Variants in DCAF6 observed in about 807,000 individuals in gnomAD.
DCAF6 encodes DDB1- and CUL4-associated factor 6.
Under a neutral mutation model 125.1 loss-of-function variants are expected in DCAF6, and 54 were observed. The observed-to-expected ratio is 0.43, with a 90% CI of 0.35 to 0.54. The LOEUF is 0.54. Ranked by LOEUF, DCAF6 falls within the 20% of genes least tolerant of loss-of-function variation. The probability of loss-of-function intolerance (pLI) is 0.01; values close to 1 mark genes in which losing one functional copy is unlikely to be tolerated. For missense variants in DCAF6, 934 were observed against 1,161.7 expected (o/e 0.80, Z 2.85); for synonymous variants, 371 against 390.4 (o/e 0.95, Z 0.58).
chr1:168,030,504 A>G (rs1686937351), intron 12 of DCAF6, among the ~76,000 whole-genome samples: 1 of 152,256 alleles, frequency 6.6e-6, no homozygotes. Flanking sequence ...TGAATGGAGT[A>G]TGGAGAATTG....
At chr1:168,043,182 T>C (rs776145502) in intron 14 of DCAF6, 42 bp downstream of exon 14, 7 of 1,424,304 alleles carry the variant, frequency 4.9e-6, no homozygotes, top group Non-Finnish European at 6.9e-6. Flanking sequence ...AATTGCAGCA[T>C]TGGATGTTTA....
At chr1:167,920,480 T>G in the DCAF6 span, 1 of 1,506,692 alleles carries the variant, frequency 6.6e-7, no homozygotes, top group Admixed American at 1.9e-5. Context: ...CTAAATAAAC[T>G]GATATAAAAG....
At chr1:167,966,103 A>G (rs1284101487) in intron 2 of DCAF6, among the ~76,000 whole-genome samples, 1 of 152,124 alleles carries the variant, frequency 6.6e-6, no homozygotes, top group Non-Finnish European at 1.5e-5. Flanking sequence ...CATCTCTGCA[A>G]TCTAGGGGGT....
At chr1:167,977,664 G>A (rs768343971) in intron 4 of DCAF6, among the ~76,000 whole-genome samples, 3 of 152,132 alleles carry the variant, frequency 2.0e-5, no homozygotes, top group Non-Finnish European at 4.4e-5. Flanking sequence ...CAGTCAGTAG[G>A]TCTTTGGTTT....
chr1:167,904,385 G>A, the DCAF6 span, among the ~76,000 whole-genome samples: 1 of 151,888 alleles, frequency 6.6e-6, no homozygotes, highest in African/African-American at 2.4e-5. Context: ...CGAACCCGGT[G>A]GCCTCAGCTT....
At chr1:167,989,549 T>G (rs184128887) in intron 5 of DCAF6, among the ~76,000 whole-genome samples, 34 of 152,298 alleles carry the variant, frequency 2.2e-4, no homozygotes, top group Admixed American at 1.7e-3. Context: ...TGTTCTGAGA[T>G]TAGTAATTGA....
chr1:167,880,340 T>C, the DCAF6 span: 2 of 958,010 alleles, frequency 2.1e-6, no homozygotes, highest in Non-Finnish European at 3.4e-6. Context: ...CATTTCTACA[T>C]GGCCCGGAGA....
chr1:168,063,656 G>A lies in DCAF6; in HGVS notation c.2336G>A (p.Arg779Lys), dbSNP rs1408409385. Residue 779 changes from arginine (R) to lysine (K), a missense_variant, in exon 18 of 22, where the codon AGA (arginine) becomes AAA (lysine). By Grantham distance (26) the Arg-to-Lys change is conservative. Transcript: ENST00000367840. Reference protein sequence around the residue: ...SAVARIQEFFRRRKERKEMEE... With the variant: ...SAVARIQEFFKRRKERKEMEE... ...GTTGCCCGTATTCAGGAGTTCTTCA[G>A]ACGGAGAAAAGAAAGGAAAGAAATG... The A allele has an allele frequency of 6.2e-7, 1 of 1,601,490 alleles. No individual in the cohort carries two copies. The highest frequency in any genetic ancestry group is 8.5e-7 in the Non-Finnish European group (1 of 1,174,846).
the DCAF6 span, among the ~76,000 whole-genome samples, chr1:167,881,492 C>A: frequency 6.6e-6 from 1 of 152,196 alleles, no homozygotes; most frequent in Non-Finnish European, 1.5e-5. Flanking sequence ...GGGGGAAACA[C>A]TGCTTCTAGG....
At chr1:168,057,230 T>A (rs1450718047) in intron 17 of DCAF6, among the ~76,000 whole-genome samples, 1 of 152,196 alleles carries the variant, frequency 6.6e-6, no homozygotes, top group Non-Finnish European at 1.5e-5. Flanking sequence ...GTATGCAAAT[T>A]AATTCATATT....
At chr1:167,992,252 TACAC>T (rs761598229) in intron 6 of DCAF6, among the ~76,000 whole-genome samples, 92 of 143,144 alleles carry the variant, frequency 6.4e-4, no homozygotes, top group Non-Finnish European at 1.0e-3. Flanking sequence ...AGGCCAGGAT[TACAC>T]ACACACACAC....
chr1:168,038,364 T>C lies in DCAF6; in HGVS notation c.1610-7T>C. On this transcript the variant is annotated splice_region_variant and splice_polypyrimidine_tract_variant and intron_variant, in intron 12 of 21. Coordinates refer to ENST00000367840, the MANE Select transcript of DCAF6 (RefSeq NM_001198956.2). The stretch of plus-strand genomic sequence containing the variant: ...ACTTTTTCAAATGTTTTAAACACAA[T>C]TTTCAGATAACAATAATGAAAAGCT... The C allele has an allele frequency of 6.3e-7, 1 of 1,596,790 alleles. No individual in the cohort carries two copies.
intron 1 of DCAF6, chr1:167,937,312 A>T: frequency 2.8e-6 from 1 of 362,496 alleles, no homozygotes; most frequent in Non-Finnish European, 5.3e-6. Flanking sequence ...GACTTGCGGA[A>T]CCTCCAGGAG....
chr1:168,028,740 A>G (rs1234154388), intron 12 of DCAF6, among the ~76,000 whole-genome samples: 1 of 152,150 alleles, frequency 6.6e-6, no homozygotes, highest in Non-Finnish European at 1.5e-5. Context: ...TTAAATATGT[A>G]TTACCTTAAG....
intron 17 of DCAF6, among the ~76,000 whole-genome samples, 164 bp downstream of exon 17, chr1:168,051,097 T>C (rs189233905): frequency 2.0e-5 from 3 of 152,336 alleles, no homozygotes; most frequent in Non-Finnish European, 4.4e-5. Context: ...ACAAACTATA[T>C]TTAGCTGCAT....
intron 7 of DCAF6, among the ~76,000 whole-genome samples, chr1:167,999,523 G>A (rs550990019): frequency 4.6e-5 from 7 of 152,256 alleles, no homozygotes; most frequent in East Asian, 1.9e-4. Flanking sequence ...GAAATCTGTC[G>A]TTTAGGGTAG....
At chr1:168,018,294 A>C (rs1337522855) in intron 11 of DCAF6, among the ~76,000 whole-genome samples, 2 of 152,218 alleles carry the variant, frequency 1.3e-5, no homozygotes, top group African/African-American at 4.8e-5. Context: ...TAAGGCACCA[A>C]ATGATATCAC....
chr1:168,036,169 G>A (rs1483303068), intron 12 of DCAF6, among the ~76,000 whole-genome samples: 1 of 152,142 alleles, frequency 6.6e-6, no homozygotes, highest in Admixed American at 6.5e-5. Flanking sequence ...CTTTGGTGGG[G>A]AACCTGTATA....
chr1:168,063,753 G>A lies in DCAF6; in HGVS notation c.2433G>A (p.Arg811=), dbSNP rs894562397. The change falls in exon 18 of 22, where the codon AGG becomes AGA. Residue 811 remains arginine (R), a synonymous_variant. Transcript: ENST00000367840. ...KMVYKGHRNS[R]TMIKEANFWG... Reference sequence around the variant, plus strand: ...TTTATAAAGGCCATCGCAACTCCAGGACAATGGTACCAAATGTTCATGGCA... The same window carrying A: ...TTTATAAAGGCCATCGCAACTCCAGAACAATGGTACCAAATGTTCATGGCA... The A allele has an allele frequency of 1.9e-6, 3 of 1,603,730 alleles. No homozygotes were observed. Among genetic ancestry groups the A allele is most frequent in the African/African-American group, 2.7e-5 (2 of 74,150 alleles).
Sources: gnomAD v4.1 joint callset for allele counts (sites outside exome capture counted in the v4.1 genomes callset) on GRCh38, gnomAD v4.1.1 for gene constraint, MANE v1.5 for transcripts, NCBI Gene and HGNC (gene_info 2026-07-23, HGNC 2026-07-21) for gene names.